Variants in JAK2 observed in about 807,000 individuals in gnomAD.
The protein encoded by JAK2 is Janus kinase 2, also known as tyrosine-protein kinase JAK2.
JAK2 carries 86 observed loss-of-function variants against 139.3 expected under a neutral mutation model. The observed-to-expected ratio is 0.62, with a 90% CI of 0.52 to 0.74. The LOEUF (loss-of-function observed/expected upper bound fraction) is 0.74, where lower values mean the gene tolerates loss of function less well. Among genes scored for constraint, JAK2 ranks in the 30% least tolerant of loss-of-function variants. The pLI is 0.00. For synonymous variants in JAK2, 490 were observed against 437.7 expected (o/e 1.12, Z -1.49); for missense variants, 1,421 against 1,360.3 (o/e 1.04, Z -0.70).
chr9:5,057,754 TG>T (rs1200370615), intron 8 of JAK2, among the ~76,000 whole-genome samples: 2 of 151,934 alleles, frequency 1.3e-5, no homozygotes, highest in African/African-American at 2.4e-5. Flanking sequence ...GCTAATTTTT[TG>T]TATCTTTAGT....
At chr9:4,986,248 A>C (rs867715824) in intron 2 of JAK2, among the ~76,000 whole-genome samples, 20 of 152,180 alleles carry the variant, frequency 1.3e-4, no homozygotes, top group Admixed American at 1.2e-3. Context: ...TTGGCTTTAC[A>C]CATAACGTGA....
At chr9:5,090,619 G>A (rs2130681371) in intron 21 of JAK2, 49 bp downstream of exon 21, 1 of 1,542,906 alleles carries the variant, frequency 6.5e-7, no homozygotes. Flanking sequence ...CCGTGTTGAA[G>A]TAGACATTAG....
intron 22 of JAK2, among the ~76,000 whole-genome samples, chr9:5,117,673 TAATA>T (rs148147368): frequency 0.26 from 38,962 of 151,470 alleles, 5,100 homozygotes; most frequent in African/African-American, 0.32. Flanking sequence ...TTAAATAAAT[TAATA>T]AATATTTTTA....
chr9:5,022,155 C>G lies in JAK2; in HGVS notation c.168C>G (p.Thr56=). 1 of 1,614,124 alleles carries G rather than the reference C, an allele frequency of 6.2e-7. No individual in the cohort carries two copies. The highest frequency in any genetic ancestry group is 8.5e-7 in the Non-Finnish European group (1 of 1,179,994). ...GGAAATCTGAGGCAGATTATCTGAC[C>G]TTTCCATCTGGGGAGTATGTTGCAG... ...SLGKSEADYL[T]FPSGEYVAEE... The change falls in exon 3 of 25, where the codon ACC becomes ACG. Residue 56 remains threonine, a synonymous_variant. Transcript: ENST00000381652.
intron 22 of JAK2, chr9:5,112,870 G>A (rs1024857892): frequency 1.3e-5 from 6 of 447,024 alleles, no homozygotes; most frequent in African/African-American, 7.9e-5. Context: ...TCCGTGGGAC[G>A]AGCCACCCGC....
At chr9:5,052,697 G>T (rs930461125) in intron 6 of JAK2, among the ~76,000 whole-genome samples, 10 of 151,958 alleles carry the variant, frequency 6.6e-5, no homozygotes, top group African/African-American at 2.2e-4. Flanking sequence ...TGTTTGCGTG[G>T]ATTTTCCTGT....
chr9:5,089,726 C>T lies in JAK2; in HGVS notation c.2624C>T (p.Thr875Ile), dbSNP rs1057520016. ...CGGTATGACCCTCTACAGGACAACA[C>T]TGGGGAGGTGGTCGCTGTAAAAAAG... ...MCRYDPLQDN[T>I]GEVVAVKKLQ... is the part of the protein sequence containing the mutation. Residue 875 changes from threonine to isoleucine, a missense_variant, in exon 20 of 25, where the codon ACT (threonine) becomes ATT (isoleucine). By Grantham distance (89) the Thr-to-Ile change is moderately conservative. Coordinates refer to ENST00000381652, the MANE Select transcript of JAK2 (RefSeq NM_004972.4). 6.3e-7 allele frequency: 1 copy of T among 1,578,262 alleles called. No homozygotes were observed. The highest frequency in any genetic ancestry group is 8.6e-7 in the Non-Finnish European group (1 of 1,162,500).
At chr9:5,040,088 G>A (rs188709520) in intron 4 of JAK2, among the ~76,000 whole-genome samples, 19 of 152,314 alleles carry the variant, frequency 1.2e-4, no homozygotes, top group African/African-American at 4.3e-4. Flanking sequence ...TCAAGACAAT[G>A]TGATACTAAA....
intron 4 of JAK2, among the ~76,000 whole-genome samples, chr9:5,032,219 C>T (rs9284048): frequency 5.9e-5 from 9 of 152,300 alleles, no homozygotes; most frequent in East Asian, 3.9e-4. Context: ...CCGCCATTGC[C>T]GAGGGTTGAG....
At position 5,128,132 on chromosome 9, in the gene JAK2, A is replaced by T. The variant is rs1824125668; in HGVS notation, c.*1341A>T. 4.3e-6 allele frequency: 1 copy of T among 230,506 alleles called. No individual in the cohort carries two copies. Among genetic ancestry groups the T allele is most frequent in the Admixed American group, 5.7e-5 (1 of 17,594 alleles). 14.3% of individuals were successfully genotyped at this position (230,506 alleles called of 1,614,324 possible). On this transcript the variant is annotated 3_prime_UTR_variant, in exon 25 of 25. Transcript: ENST00000381652. ...TGTGTGTGTGTGTGTTATTTATACA[A>T]AACTTAAAATACTTGCTGTTTTGAT...
At chr9:5,033,782 A>C (rs1206041537) in intron 4 of JAK2, among the ~76,000 whole-genome samples, 1 of 152,210 alleles carries the variant, frequency 6.6e-6, no homozygotes, top group East Asian at 1.9e-4. Flanking sequence ...GCCACTGCAA[A>C]AACACGCCAA....
intron 8 of JAK2, among the ~76,000 whole-genome samples, chr9:5,062,840 G>A (rs78078525): frequency 0.015 from 2,304 of 152,136 alleles, 65 homozygotes; most frequent in African/African-American, 0.052. Flanking sequence ...TACCTCATGT[G>A]TTTATAGGTC....
rs1819028989 is a variant in JAK2 at position 5,072,540 on chromosome 9, C to T, written c.1690C>T (p.Arg564Ter). 6.2e-7 allele frequency: 1 copy of T among 1,605,890 alleles called. No individual in the cohort carries two copies. Among genetic ancestry groups the T allele is most frequent in the Non-Finnish European group, 8.5e-7 (1 of 1,174,966 alleles). ...GTFTKIFKGV[R>*]REVGDYGQLH... The stretch of plus-strand genomic sequence containing the variant: ...TTTTACAAAGATTTTTAAAGGCGTA[C>T]GAAGAGAAGTAGGAGACTACGGTCA... The change falls in exon 13 of 25, where the codon CGA becomes TGA. Residue 564 changes from arginine (R) to a stop codon, truncating the protein, a stop_gained. Transcript: ENST00000381652. LOFTEE classifies it high-confidence loss of function.
intron 2 of JAK2, among the ~76,000 whole-genome samples, chr9:4,993,436 A>G (rs1405272733): frequency 6.6e-6 from 1 of 152,162 alleles, no homozygotes; most frequent in Non-Finnish European, 1.5e-5. Flanking sequence ...TCTTTAGTTC[A>G]TCTCTCTGTT....
Position 5,072,550 on chromosome 9 carries a change from T to A in JAK2, c.1700T>A (p.Val567Glu), listed in dbSNP as rs587778408. ...ATTTTTAAAGGCGTACGAAGAGAAG[T>A]AGGAGACTACGGTCAACTGCATGAA... ...TKIFKGVRREVGDYGQLHETE... is the reference protein window; with the variant it reads ...TKIFKGVRREEGDYGQLHETE... The change falls in exon 13 of 25, where the codon GTA becomes GAA. Residue 567 changes from valine to glutamate, a missense_variant. Val to Glu is a moderately radical substitution (Grantham distance 121). Coordinates refer to ENST00000381652, the MANE Select transcript of JAK2 (RefSeq NM_004972.4). 3 of 1,610,458 alleles carry A rather than the reference T, an allele frequency of 1.9e-6. No individual in the cohort carries two copies. The highest frequency in any genetic ancestry group is 2.5e-6 in the Non-Finnish European group (3 of 1,177,628).
At chr9:5,108,836 T>C (rs567578290) in intron 22 of JAK2, 12 of 152,224 alleles carry the variant, frequency 7.9e-5, no homozygotes, top group African/African-American at 2.4e-4. Flanking sequence ...TCCAAACCCC[T>C]TGAAGCTTTA....
At chr9:5,060,242 C>T (rs1237060523) in intron 8 of JAK2, among the ~76,000 whole-genome samples, 3 of 152,070 alleles carry the variant, frequency 2.0e-5, no homozygotes, top group African/African-American at 4.8e-5. Flanking sequence ...GGCTGCTGAC[C>T]GATCAGTGTG....
chr9:5,048,985 T>G (rs1472034890), intron 5 of JAK2, among the ~76,000 whole-genome samples: 1 of 152,214 alleles, frequency 6.6e-6, no homozygotes, highest in Non-Finnish European at 1.5e-5. Flanking sequence ...CATTACATGT[T>G]CAGTCAGATT....
chr9:4,986,495 G>A (rs1387830424), intron 2 of JAK2, among the ~76,000 whole-genome samples: 1 of 152,136 alleles, frequency 6.6e-6, no homozygotes, highest in Admixed American at 6.5e-5. Context: ...TTACTAATCT[G>A]TTAGGAGAAA....
Sources: gnomAD v4.1 joint callset for allele counts (sites outside exome capture counted in the v4.1 genomes callset) on GRCh38, gnomAD v4.1.1 for gene constraint, MANE v1.5 for transcripts, NCBI Gene and HGNC (gene_info 2026-07-23, HGNC 2026-07-21) for gene names.